The following PRPF39 variants were observed in gnomAD, a reference collection of about 807,000 sequenced individuals.
The protein encoded by PRPF39 is pre-mRNA processing factor 39.
In PRPF39, 27 loss-of-function variants were observed where a neutral mutation model predicts 82.1. The observed-to-expected ratio is 0.33, with a 90% CI of 0.24 to 0.45. The LOEUF is 0.45. Among genes scored for constraint, PRPF39 ranks in the 20% least tolerant of loss-of-function variants. The probability of loss-of-function intolerance (pLI) is 1.00; values close to 1 mark genes in which losing one functional copy is unlikely to be tolerated. For missense variants in PRPF39, 581 were observed against 796.9 expected, an observed-to-expected ratio of 0.73 and a Z score of 3.26; for synonymous variants, 261 against 256.4, an observed-to-expected ratio of 1.02 and a Z score of -0.17.
intron 5 of PRPF39, among the ~76,000 whole-genome samples, chr14:45,107,069 T>G (rs537712235): frequency 6.6e-6 from 1 of 152,188 alleles, no homozygotes; most frequent in Non-Finnish European, 1.5e-5. Flanking sequence ...GTCTTTGTAG[T>G]AAAATAGATT....
intron 2 of PRPF39, 99 bp downstream of exon 2, chr14:45,095,662 C>T: frequency 7.2e-7 from 1 of 1,385,370 alleles, no homozygotes; most frequent in Non-Finnish European, 9.5e-7. Flanking sequence ...AAAATTGACT[C>T]ATAATTTTCA....
chr14:45,088,585 A>G (rs1883917534), intron 1 of PRPF39, among the ~76,000 whole-genome samples: 1 of 152,240 alleles, frequency 6.6e-6, no homozygotes, highest in Admixed American at 6.5e-5. Flanking sequence ...TCTGTTTCTT[A>G]CTATTCATGT....
intron 1 of PRPF39, among the ~76,000 whole-genome samples, chr14:45,091,751 T>C (rs1367394262): frequency 6.6e-6 from 1 of 152,200 alleles, no homozygotes; most frequent in Non-Finnish European, 1.5e-5. Flanking sequence ...GAGGTGCTAC[T>C]TTGTTAAAAA....
intron 4 of PRPF39, among the ~76,000 whole-genome samples, chr14:45,097,578 C>T (rs1007429360): frequency 5.9e-5 from 9 of 152,106 alleles, no homozygotes; most frequent in African/African-American, 1.9e-4. Flanking sequence ...TCTAAACTCC[C>T]ACAGTGTATG....
chr14:45,102,508 A>G (rs1384056850), intron 4 of PRPF39, 21 bp from the exon 5 acceptor site: 1 of 1,555,718 alleles, frequency 6.4e-7, no homozygotes. Context: ...AAGATAACTT[A>G]AGAGTAATTT....
chr14:45,107,012 A>G (rs1476729081), intron 5 of PRPF39, among the ~76,000 whole-genome samples: 2 of 152,226 alleles, frequency 1.3e-5, no homozygotes, highest in Non-Finnish European at 2.9e-5. Context: ...GTGATCATTT[A>G]GAATTTAAAT....
chr14:45,099,527 C>G (rs559058106), intron 4 of PRPF39, among the ~76,000 whole-genome samples: 9 of 152,216 alleles, frequency 5.9e-5, no homozygotes, highest in Admixed American at 3.3e-4. Flanking sequence ...TCACTGCAAG[C>G]TCCACCTCCT....
At chr14:45,109,914 A>T (rs1001142355) in intron 8 of PRPF39, 134 bp downstream of exon 8, 83 of 1,515,378 alleles carry the variant, frequency 5.5e-5, no homozygotes, top group Non-Finnish European at 6.6e-5. Context: ...GCTTGCAACC[A>T]GATTTGACTG....
chr14:45,112,702 T>C (rs1185414334), intron 11 of PRPF39, among the ~76,000 whole-genome samples, 200 bp downstream of exon 11: 1 of 152,218 alleles, frequency 6.6e-6, no homozygotes, highest in Non-Finnish European at 1.5e-5. Context: ...AAGGTTTGTC[T>C]TTCCTTCAAA....
chr14:45,110,044 T>A lies in PRPF39; in HGVS notation c.1177-50T>A, dbSNP rs780548828. The A allele has an allele frequency of 6.2e-7, 1 of 1,602,766 alleles. No homozygotes were observed. Among genetic ancestry groups the A allele is most frequent in the Non-Finnish European group, 8.5e-7 (1 of 1,173,460 alleles). On this transcript the variant is annotated intron_variant, in intron 8 of 13. Transcript: ENST00000355765. This position sits in a 1 kb window ranked among gnomAD's most constrained non-coding sequence, Gnocchi z 4.0. ...TTTTATCGTTCTGTCACAAATTTAATGGCTTGTTCAACTGTAAATTATTCA... is the reference window on the plus strand; with the variant it reads ...TTTTATCGTTCTGTCACAAATTTAAAGGCTTGTTCAACTGTAAATTATTCA...
intron 2 of PRPF39, among the ~76,000 whole-genome samples, chr14:45,095,889 G>GTTTTTTTTT: frequency 7.7e-6 from 1 of 129,970 alleles, no homozygotes; most frequent in African/African-American, 2.8e-5. Context: ...GCCTGTGTAG[G>GTTTTTTTTT]TTTTTTTTTT....
chr14:45,115,702 C>T lies in PRPF39; in HGVS notation c.*789C>T, dbSNP rs1253771553. 1 of 152,540 alleles carries T rather than the reference C, an allele frequency of 6.6e-6. No homozygotes were observed. The highest frequency in any genetic ancestry group is 6.5e-5 in the Admixed American group (1 of 15,306). The allele number at this position is 152,540 out of a possible 1,614,324, so 9.4% of individuals were successfully genotyped here. A position where few individuals can be genotyped will look rare whatever the true frequency, so the allele number is the denominator to read the frequency against. On this transcript the variant is annotated 3_prime_UTR_variant, in exon 14 of 14. Transcript: ENST00000355765. ...TTTTGAAGTACACCTTTTCTAAATT[C>T]AGGTCTTGATCTTCCTGCCAAGATT...
At chr14:45,101,024 T>C (rs1481409090) in intron 4 of PRPF39, among the ~76,000 whole-genome samples, 1 of 152,240 alleles carries the variant, frequency 6.6e-6, no homozygotes, top group East Asian at 1.9e-4. Context: ...ATACACCAAA[T>C]ACTCACACAC....
chr14:45,088,959 G>A (rs1442429431), intron 1 of PRPF39, among the ~76,000 whole-genome samples: 1 of 152,196 alleles, frequency 6.6e-6, no homozygotes, highest in Admixed American at 6.5e-5. Context: ...GCAATCTACA[G>A]TTTGAAAATT....
chr14:45,106,817 A>C (rs1884547769), intron 5 of PRPF39, among the ~76,000 whole-genome samples: 1 of 152,202 alleles, frequency 6.6e-6, no homozygotes, highest in Non-Finnish European at 1.5e-5. Flanking sequence ...GAAGGGGAAT[A>C]AGACATAGAG....
At chr14:45,095,974 G>A in intron 2 of PRPF39, 129 bp from the exon 3 acceptor site, 1 of 750,672 alleles carries the variant, frequency 1.3e-6, no homozygotes, top group Non-Finnish European at 2.0e-6. Context: ...CGGCAGAGCA[G>A]CCTGCATGTG....
intron 5 of PRPF39, among the ~76,000 whole-genome samples, chr14:45,106,563 C>T (rs1413775845): frequency 6.6e-6 from 1 of 151,418 alleles, no homozygotes; most frequent in East Asian, 1.9e-4. Flanking sequence ...ATATTTTTTT[C>T]AAAAATCTTT....
Position 45,091,747 on chromosome 14 carries a change from C to T in PRPF39, c.-19-3474C>T, listed in dbSNP as rs1884034415. On this transcript the variant is annotated intron_variant, in intron 1 of 13. Transcript: ENST00000355765. ...AGGAAATGAAAATCAAAATGAGGTG[C>T]TACTTTGTTAAAAAAAAATTAGATG... Among the ~76,000 whole-genome samples, 3 of 152,030 alleles carry T rather than the reference C, an allele frequency of 2.0e-5. No individual in the cohort carries two copies. In the South Asian group the frequency reaches 6.2e-4, roughly 31 times the overall value.
chr14:45,093,816 A>C (rs1391186671), intron 1 of PRPF39, among the ~76,000 whole-genome samples: 8 of 152,036 alleles, frequency 5.3e-5, no homozygotes, highest in African/African-American at 1.9e-4. Context: ...CAGCCTCCCA[A>C]AGTGCTGGGA....
Sources: allele counts gnomAD v4.1 joint callset (sites outside exome capture counted in the v4.1 genomes callset), GRCh38; gene constraint gnomAD v4.1.1; non-coding constraint Gnocchi (gnomAD v3.1); transcripts MANE v1.5; gene names NCBI Gene and HGNC (gene_info 2026-07-23, HGNC 2026-07-21).